Variants in CSMD1 observed in about 807,000 individuals in gnomAD.
The protein encoded by CSMD1 is CUB and sushi domain-containing protein 1.
Under a neutral mutation model 417.5 loss-of-function variants are expected in CSMD1, and 213 were observed. That is an observed-to-expected ratio of 0.51 (90% CI 0.46 to 0.57). The LOEUF (loss-of-function observed/expected upper bound fraction) is 0.57. Among genes scored for constraint, CSMD1 ranks in the 20% least tolerant of loss-of-function variants. CSMD1 has a pLI of 0.00. For synonymous variants in CSMD1, 2,862 were observed against 1,736.8 expected, an observed-to-expected ratio of 1.65 and a Z score of -16.11; for missense variants, 6,923 against 4,529.7, an observed-to-expected ratio of 1.53 and a Z score of -15.17.
intron 18 of CSMD1, among the ~76,000 whole-genome samples, chr8:3,382,288 G>T (rs1035859676): frequency 4.1e-4 from 62 of 149,408 alleles, no homozygotes; most frequent in South Asian, 1.9e-3. Context: ...GTCAGCACTG[G>T]AATATTTTTT....
intron 2 of CSMD1, among the ~76,000 whole-genome samples, chr8:4,423,416 A>G (rs1797362704): frequency 1.3e-5 from 2 of 151,886 alleles, no homozygotes; most frequent in South Asian, 2.1e-4. Flanking sequence ...CATACTAGCA[A>G]TGAACACGTT....
At chr8:4,878,087 G>C (rs1299294288) in intron 1 of CSMD1, among the ~76,000 whole-genome samples, 1 of 152,076 alleles carries the variant, frequency 6.6e-6, no homozygotes, top group Non-Finnish European at 1.5e-5. Context: ...CATTGTCTGA[G>C]TATGTGACCA....
chr8:3,239,821 G>T (rs1454054022), intron 26 of CSMD1, among the ~76,000 whole-genome samples: 1 of 152,056 alleles, frequency 6.6e-6, no homozygotes, highest in African/African-American at 2.4e-5. Flanking sequence ...TGGGGTGAAT[G>T]TCAGATGGAT....
At chr8:4,659,979 G>T (rs947681678) in intron 1 of CSMD1, among the ~76,000 whole-genome samples, 2 of 151,830 alleles carry the variant, frequency 1.3e-5, no homozygotes, top group Non-Finnish European at 2.9e-5. Context: ...TCCTCAAATT[G>T]GTAAGGAGTA....
chr8:3,927,457 G>C (rs1809821752), intron 5 of CSMD1, among the ~76,000 whole-genome samples: 1 of 151,910 alleles, frequency 6.6e-6, no homozygotes, highest in African/African-American at 2.4e-5. Flanking sequence ...ACAAGGTCAG[G>C]AGTTTGGGAC....
At chr8:3,519,859 C>CTAAAATAGTAAAATAG (rs1797430015) in intron 10 of CSMD1, among the ~76,000 whole-genome samples, 1 of 152,036 alleles carries the variant, frequency 6.6e-6, no homozygotes, top group Non-Finnish European at 1.5e-5. Flanking sequence ...CAACCTCCCA[C>CTAAAATAGTAAAATAG]TAAAATAGCA....
intron 5 of CSMD1, among the ~76,000 whole-genome samples, chr8:3,953,096 C>G (rs537830964): frequency 2.6e-5 from 4 of 151,670 alleles, no homozygotes; most frequent in Non-Finnish European, 5.9e-5. Flanking sequence ...AGAAGAAAAT[C>G]AAAAGCTTTC....
At chr8:3,318,359 G>A (rs144672909) in intron 23 of CSMD1, among the ~76,000 whole-genome samples, 30 of 152,080 alleles carry the variant, frequency 2.0e-4, no homozygotes, top group Admixed American at 7.2e-4. Context: ...CTGGCCTACC[G>A]CATTGATTCA....
At position 4,789,946 on chromosome 8, in the gene CSMD1, A is replaced by G. The variant is rs116672216; in HGVS notation, c.86-152388T>C. 6.9e-3 allele frequency among the ~76,000 whole-genome samples: 1,051 copies of G among 152,302 alleles called. 10 individuals are homozygous for G. The highest frequency in any genetic ancestry group is 0.024 in the African/African-American group (1,013 of 41,544). ...TTCTGCCAGAGAAAAATGTACCCGA[A>G]AAACGTATCTTAAAGGTGCTATTTC... On this transcript the variant is annotated intron_variant, in intron 1 of 69. Transcript: ENST00000635120.
intron 6 of CSMD1, among the ~76,000 whole-genome samples, chr8:3,751,187 T>C (rs1003430045): frequency 6.6e-6 from 1 of 152,110 alleles, no homozygotes; most frequent in Non-Finnish European, 1.5e-5. Flanking sequence ...AAATGTTTCC[T>C]AATGCATTAC....
In CSMD1 at chr8:3,895,157, T is replaced by A. The variant is rs190541814; in HGVS notation, c.818+102746A>T. On this transcript the variant is annotated intron_variant, in intron 5 of 69. Coordinates refer to ENST00000635120, the MANE Select transcript of CSMD1 (RefSeq NM_033225.6). ...CCTAGACATTGGCTTTATCTCCAAATCACTAATTCAGAGACACCAACAAAG... is the reference window on the plus strand; with the variant it reads ...CCTAGACATTGGCTTTATCTCCAAAACACTAATTCAGAGACACCAACAAAG... 6.5e-3 allele frequency among the ~76,000 whole-genome samples: 984 copies of A among 152,330 alleles called. 3 individuals carry two copies. The highest frequency in any genetic ancestry group is 0.011 in the Non-Finnish European group (763 of 68,022).
At chr8:4,821,372 T>A (rs1271995838) in intron 1 of CSMD1, among the ~76,000 whole-genome samples, 3 of 152,060 alleles carry the variant, frequency 2.0e-5, no homozygotes, top group Non-Finnish European at 2.9e-5. Flanking sequence ...TCCAAAGAGG[T>A]GCGTTTATCC....
intron 3 of CSMD1, among the ~76,000 whole-genome samples, chr8:4,397,161 T>A (rs950686966): frequency 2.6e-5 from 4 of 152,144 alleles, no homozygotes; most frequent in African/African-American, 9.7e-5. Flanking sequence ...CATTTCTACG[T>A]CCATGCATGA....
At chr8:3,260,645 C>A (rs1024871843) in intron 26 of CSMD1, among the ~76,000 whole-genome samples, 1 of 151,452 alleles carries the variant, frequency 6.6e-6, no homozygotes, top group Non-Finnish European at 1.5e-5. Flanking sequence ...ACATTTTTGA[C>A]AATCCCTTTC....
chr8:4,807,808 A>C (rs1452029953), intron 1 of CSMD1, among the ~76,000 whole-genome samples: 1 of 152,162 alleles, frequency 6.6e-6, no homozygotes, highest in East Asian at 1.9e-4. Flanking sequence ...GATCCATAGA[A>C]GCCAGCCATA....
intron 3 of CSMD1, among the ~76,000 whole-genome samples, chr8:4,105,273 G>C (rs1226202245): frequency 6.6e-6 from 1 of 152,052 alleles, no homozygotes. Context: ...TCAACTGTAA[G>C]GTGGAATTTT....
At chr8:4,657,519 C>T (rs1804311738) in intron 1 of CSMD1, among the ~76,000 whole-genome samples, 1 of 151,992 alleles carries the variant, frequency 6.6e-6, no homozygotes, top group Admixed American at 6.6e-5. Context: ...CTTCAAAGAA[C>T]AAACATAGAA....
chr8:4,860,584 C>A (rs1802072677), intron 1 of CSMD1, among the ~76,000 whole-genome samples: 2 of 151,976 alleles, frequency 1.3e-5, no homozygotes, highest in Non-Finnish European at 2.9e-5. Flanking sequence ...GAATCATGAG[C>A]CAATTAAAAC....
chr8:3,757,876 A>AAAAG, intron 5 of CSMD1, among the ~76,000 whole-genome samples: 1 of 151,536 alleles, frequency 6.6e-6, no homozygotes, highest in South Asian at 2.1e-4. Context: ...AACAAAAAAA[A>AAAAG]CCAACAACAA....
Sources: gnomAD v4.1 joint callset for allele counts (sites outside exome capture counted in the v4.1 genomes callset) on GRCh38, gnomAD v4.1.1 for gene constraint, MANE v1.5 for transcripts, NCBI Gene and HGNC (gene_info 2026-07-23, HGNC 2026-07-21) for gene names.